The following RTKN2 variants were observed in gnomAD, a reference collection of about 807,000 sequenced individuals.
RTKN2 encodes the protein rhotekin 2.
Under a neutral mutation model 71.5 loss-of-function variants are expected in RTKN2, and 69 were observed. The observed-to-expected ratio is 0.96, with a 90% CI of 0.79 to 1.18. RTKN2 has a LOEUF of 1.18. Ranked by LOEUF, RTKN2 falls within the 50% of genes most tolerant of loss-of-function variation. RTKN2 has a pLI of 0.00. For missense variants in RTKN2, 724 were observed against 719.7 expected, an observed-to-expected ratio of 1.01 and a Z score of -0.07; for synonymous variants, 236 against 236.5, an observed-to-expected ratio of 1.00 and a Z score of 0.02.
rs144004963 is a variant in RTKN2 at position 62,236,067 on chromosome 10, A to G, written c.685T>C (p.Phe229Leu). ...EMCLLLSSAV[F>L]GVKYNLLAHT... ...ATAAATACAGTATTAAAAACTTACA[A>G]AACAGCAGAGCTGAGGAGCAAGCAC... The change falls in exon 6 of 12, where the codon TTT becomes CTT. Residue 229 changes from phenylalanine (F) to leucine (L), a missense_variant and splice_region_variant. Physicochemically the swap from Phe to Leu is conservative, Grantham distance 22. Transcript: ENST00000373789. The G allele has an allele frequency of 1.8e-4, 294 of 1,606,272 alleles. No homozygotes were observed. Among genetic ancestry groups the G allele is most frequent in the Middle Eastern group, 5.2e-4 (3 of 5,798 alleles).
intron 11 of RTKN2, among the ~76,000 whole-genome samples, 182 bp downstream of exon 11, chr10:62,199,568 TATTC>T (rs1841397516): frequency 1.3e-5 from 2 of 152,376 alleles, no homozygotes; most frequent in East Asian, 3.9e-4. Context: ...AAAAAACGTG[TATTC>T]ATTATTTTGT....
chr10:62,214,854 A>T (rs1175587194), intron 9 of RTKN2, among the ~76,000 whole-genome samples: 1 of 152,168 alleles, frequency 6.6e-6, no homozygotes, highest in Non-Finnish European at 1.5e-5. Flanking sequence ...ATGAGGAAAT[A>T]GCAAAAACAG....
intron 8 of RTKN2, among the ~76,000 whole-genome samples, chr10:62,186,573 G>A (rs761777259): frequency 6.6e-6 from 1 of 151,312 alleles, no homozygotes; most frequent in South Asian, 2.1e-4. Flanking sequence ...GTGGGGTAGA[G>A]GCATGGTGGG....
intron 9 of RTKN2, among the ~76,000 whole-genome samples, chr10:62,208,835 C>G (rs1841600157): frequency 1.3e-5 from 2 of 152,156 alleles, no homozygotes; most frequent in Non-Finnish European, 2.9e-5. Flanking sequence ...AATAAAGGAT[C>G]TAAAACAATG....
chr10:62,267,425 C>T (rs993556081), intron 1 of RTKN2, among the ~76,000 whole-genome samples: 5 of 152,094 alleles, frequency 3.3e-5, no homozygotes, highest in Non-Finnish European at 5.9e-5. Flanking sequence ...TGGCAATTCA[C>T]TATAAATCAA....
intron 6 of RTKN2, among the ~76,000 whole-genome samples, chr10:62,232,922 C>G (rs1166376875): frequency 6.6e-6 from 1 of 151,892 alleles, no homozygotes; most frequent in African/African-American, 2.4e-5. Flanking sequence ...AACAAAAACT[C>G]AGAGTAAATT....
In RTKN2 at chr10:62,193,892, C is replaced by A; in HGVS notation, c.*4016G>T. 1 of 981,146 alleles carries A rather than the reference C, an allele frequency of 1.0e-6. No homozygotes were observed. The highest frequency in any genetic ancestry group is 1.2e-6 in the Non-Finnish European group (1 of 826,060). The allele number at this position is 981,146 out of a possible 1,614,324, so 60.8% of individuals were successfully genotyped here. On this transcript the variant is annotated 3_prime_UTR_variant, in exon 12 of 12. Coordinates refer to ENST00000373789, the MANE Select transcript of RTKN2 (RefSeq NM_145307.4). ...AATGTTAGTCTTATAATAATTAGCA[C>A]CAGCTACTTGGTATGTCTTTTTCTG...
rs755968901 is a variant in RTKN2, at chr10:62,217,134, A to T, written c.1004T>A (p.Val335Glu). The T allele has an allele frequency of 1.4e-5, 22 of 1,585,978 alleles. No individual in the cohort carries two copies. The highest frequency in any genetic ancestry group is 1.9e-5 in the Non-Finnish European group (22 of 1,169,458). The change falls in exon 9 of 12, where the codon GTA (valine) becomes GAA (glutamate). Residue 335 changes from valine (V) to glutamate (E), a missense_variant. Transcript: ENST00000373789. ...TTCCTTTACCTTGTTAATGGGTACT[A>T]CCAAAGCTGGTTCCACTTTAGCTTC... is the stretch of plus-strand genomic sequence containing the variant. ...EIEAKVEPAL[V>E]VPINKETRIR...
At chr10:62,252,791 G>A (rs538022186) in intron 2 of RTKN2, among the ~76,000 whole-genome samples, 27 of 152,060 alleles carry the variant, frequency 1.8e-4, no homozygotes, top group African/African-American at 5.5e-4. Flanking sequence ...GGTTTAGTTG[G>A]CTCGTGGAGC....
intron 9 of RTKN2, among the ~76,000 whole-genome samples, chr10:62,212,681 A>C (rs764472738): frequency 5.9e-5 from 9 of 152,076 alleles, no homozygotes; most frequent in Non-Finnish European, 1.0e-4. Flanking sequence ...CCAGCCTGAG[A>C]GACAGGGCCA....
rs557619515 is a variant in RTKN2 at position 62,249,970 on chromosome 10, C to A, written c.258-3913G>T. 2.0e-5 allele frequency among the ~76,000 whole-genome samples: 3 copies of A among 152,280 alleles called. No individual in the cohort carries two copies. In the South Asian group the frequency reaches 6.2e-4, roughly 32 times the overall value. ...AATCAGATTATTTTCACACATTCTA[C>A]AAAAGCCTTCAGATCAACAAGGAAA... is the stretch of plus-strand genomic sequence containing the variant. On this transcript the variant is annotated intron_variant, in intron 2 of 11. Coordinates refer to ENST00000373789, the MANE Select transcript of RTKN2 (RefSeq NM_145307.4).
intron 11 of RTKN2, among the ~76,000 whole-genome samples, chr10:62,198,950 A>C (rs900256838): frequency 1.3e-5 from 2 of 152,192 alleles, no homozygotes; most frequent in Non-Finnish European, 2.9e-5. Flanking sequence ...CTCTGTTAAA[A>C]GGGAAAATGC....
chr10:62,238,582 A>AT (rs1160291095), intron 5 of RTKN2: 2 of 151,932 alleles, frequency 1.3e-5, no homozygotes, highest in Non-Finnish European at 2.9e-5. Context: ...GAAAAAAGTA[A>AT]TTTTTTTAGC....
At chr10:62,191,414 G>A (rs1841221398), downstream of RTKN2, among the ~76,000 whole-genome samples, 1 of 152,090 alleles carries the variant, frequency 6.6e-6, no homozygotes, top group African/African-American at 2.4e-5. Flanking sequence ...CAAAGTACTG[G>A]GATTATAGGC....
chr10:62,194,104 CT>C lies in RTKN2; in HGVS notation c.*3803del. On this transcript the variant is annotated 3_prime_UTR_variant, in exon 12 of 12. Transcript: ENST00000373789. ...AAAAATGTATGTCCATGATATAATACTTTTTAATCCAAAAGTCTGACCCATA... is the reference window on the plus strand; with the variant it reads ...AAAAATGTATGTCCATGATATAATACTTTTAATCCAAAAGTCTGACCCATA... 1 of 980,720 alleles carries C rather than the reference CT, an allele frequency of 1.0e-6. No individual in the cohort carries two copies. Among genetic ancestry groups the C allele is most frequent in the Non-Finnish European group, 1.2e-6 (1 of 825,716 alleles). 60.8% of individuals were successfully genotyped at this position (980,720 alleles called of 1,614,324 possible). A position where few individuals can be genotyped will look rare whatever the true frequency, so the allele number is the denominator to read the frequency against.
At chr10:62,214,761 TA>T (rs1432045694) in intron 9 of RTKN2, among the ~76,000 whole-genome samples, 2 of 152,168 alleles carry the variant, frequency 1.3e-5, no homozygotes, top group Non-Finnish European at 2.9e-5. Flanking sequence ...AGCTACTTTT[TA>T]ACTTTCAAAA....
chr10:62,216,220 C>T (rs563956639), intron 9 of RTKN2, among the ~76,000 whole-genome samples: 21 of 151,940 alleles, frequency 1.4e-4, no homozygotes, highest in Non-Finnish European at 2.8e-4. Context: ...ACTTTACATT[C>T]TTCTTTAAAG....
chr10:62,238,277 AATC>A (rs1484579163), intron 5 of RTKN2: 3 of 152,044 alleles, frequency 2.0e-5, no homozygotes, highest in Admixed American at 1.3e-4. Context: ...TATTAAAAAC[AATC>A]ATCATAACAA....
chr10:62,253,225 A>C (rs1842614347), intron 2 of RTKN2, among the ~76,000 whole-genome samples: 1 of 152,200 alleles, frequency 6.6e-6, no homozygotes, highest in Admixed American at 6.5e-5. Context: ...GGCAAAATTC[A>C]GGTTCAAAAA....
Sources: gnomAD v4.1 joint callset for allele counts (sites outside exome capture counted in the v4.1 genomes callset) on GRCh38, gnomAD v4.1.1 for gene constraint, MANE v1.5 for transcripts, NCBI Gene and HGNC (gene_info 2026-07-23, HGNC 2026-07-21) for gene names.